The following RANBP2 variants were observed in gnomAD, a reference collection of about 807,000 sequenced individuals.
RANBP2 encodes the protein RAN binding protein 2.
Under a neutral mutation model 303.6 loss-of-function variants are expected in RANBP2, and 57 were observed. That is an observed-to-expected ratio of 0.19 (90% confidence interval 0.15 to 0.23). The LOEUF is 0.23. RANBP2 is among the 10% of genes least tolerant of loss of function. The pLI is 1.00. For synonymous variants in RANBP2, 1,167 were observed against 1,301.5 expected, an observed-to-expected ratio of 0.90 and a Z score of 2.23; for missense variants, 3,138 against 3,780.8, an observed-to-expected ratio of 0.83 and a Z score of 4.46.
chr2:109,505,155 C>T, the RANBP2 span, among the ~76,000 whole-genome samples: 1 of 152,164 alleles, frequency 6.6e-6, no homozygotes, highest in African/African-American at 2.4e-5. Flanking sequence ...GCAGGGAATC[C>T]CACCAACAGA....
chr2:109,180,511 ACT>A, the RANBP2 span, among the ~76,000 whole-genome samples: 1 of 152,062 alleles, frequency 6.6e-6, no homozygotes, highest in South Asian at 2.1e-4. Flanking sequence ...CTTGAATTGT[ACT>A]CTCATAATTC....
At chr2:109,130,067 G>T in the RANBP2 span, 1 of 1,368,556 alleles carries the variant, frequency 7.3e-7, no homozygotes, top group Admixed American at 3.4e-5. Flanking sequence ...AGCACCGCCG[G>T]CAGTCTGCGG....
At chr2:109,370,490 C>T in the RANBP2 span, among the ~76,000 whole-genome samples, 3 of 152,068 alleles carry the variant, frequency 2.0e-5, no homozygotes, top group African/African-American at 4.8e-5. Context: ...TCACCCGCCT[C>T]GACCTCCCAA....
chr2:108,742,084 CT>C (rs755435805), intron 7 of RANBP2, among the ~76,000 whole-genome samples: 56 of 151,188 alleles, frequency 3.7e-4, no homozygotes, highest in Middle Eastern at 3.4e-3. Flanking sequence ...CAACCTCTGC[CT>C]TCCCGGGTTC....
At chr2:109,489,815 G>A in the RANBP2 span, among the ~76,000 whole-genome samples, 1 of 152,166 alleles carries the variant, frequency 6.6e-6, no homozygotes, top group Non-Finnish European at 1.5e-5. Context: ...TCAGCTCACT[G>A]CAACCTCCAC....
chr2:108,783,935 T>A lies in RANBP2; in HGVS notation c.*34T>A. ...TTGTTCATAGAAAATTTCATCTGTATAAGCAGTTGGATTGAAGCTTAGCTA... is the reference window on the plus strand; with the variant it reads ...TTGTTCATAGAAAATTTCATCTGTAAAAGCAGTTGGATTGAAGCTTAGCTA... On this transcript the variant is annotated 3_prime_UTR_variant, in exon 29 of 29. Coordinates refer to ENST00000283195, the MANE Select transcript of RANBP2 (RefSeq NM_006267.5). 1.3e-6 allele frequency: 2 copies of A among 1,560,920 alleles called. No homozygotes were observed. The highest frequency in any genetic ancestry group is 1.8e-6 in the Non-Finnish European group (2 of 1,133,618).
chr2:109,600,687 C>T, the RANBP2 span, among the ~76,000 whole-genome samples: 1 of 152,236 alleles, frequency 6.6e-6, no homozygotes, highest in South Asian at 2.1e-4. Context: ...TAATTTAATT[C>T]TGACTTCTCT....
At chr2:109,264,331 A>T in the RANBP2 span, among the ~76,000 whole-genome samples, 1 of 119,360 alleles carries the variant, frequency 8.4e-6, no homozygotes, top group Non-Finnish European at 1.7e-5. Flanking sequence ...CTCCCCGTTC[A>T]CCTCCCCAGG....
the RANBP2 span, chr2:109,490,654 A>G: frequency 1.2e-5 from 18 of 1,507,666 alleles, no homozygotes; most frequent in Non-Finnish European, 1.5e-5. Context: ...GCATCCACCA[A>G]GAAGAAGTCA....
the RANBP2 span, among the ~76,000 whole-genome samples, chr2:108,975,305 G>T: frequency 6.6e-6 from 1 of 152,220 alleles, no homozygotes. Flanking sequence ...CTCCTGCCTG[G>T]GTTCCCACCC....
At chr2:109,408,298 G>A in the RANBP2 span, among the ~76,000 whole-genome samples, 2 of 152,182 alleles carry the variant, frequency 1.3e-5, no homozygotes, top group Non-Finnish European at 2.9e-5. Flanking sequence ...GGCCACTGAG[G>A]TCGGTGTCCT....
At chr2:109,015,413 C>CTT in the RANBP2 span, among the ~76,000 whole-genome samples, 1 of 152,090 alleles carries the variant, frequency 6.6e-6, no homozygotes, top group Non-Finnish European at 1.5e-5. Context: ...TTTTCTCTCC[C>CTT]TTATGCTTTT....
chr2:108,924,627 G>A, the RANBP2 span, among the ~76,000 whole-genome samples: 6 of 152,170 alleles, frequency 3.9e-5, no homozygotes, highest in Non-Finnish European at 8.8e-5. Flanking sequence ...GGGTCTGTGG[G>A]CTCCTGCCTT....
At chr2:108,732,673 A>T (rs1695260784) in intron 4 of RANBP2, among the ~76,000 whole-genome samples, 1 of 152,190 alleles carries the variant, frequency 6.6e-6, no homozygotes, top group East Asian at 1.9e-4. Context: ...TACCACAGAG[A>T]TCTTCCTCAT....
intron 1 of RANBP2, among the ~76,000 whole-genome samples, chr2:108,724,858 A>G (rs1694567659): frequency 6.6e-6 from 1 of 151,628 alleles, no homozygotes. Context: ...GGAGCTGATC[A>G]GATGGGTTTG....
At chr2:108,997,099 C>A in the RANBP2 span, among the ~76,000 whole-genome samples, 1 of 152,114 alleles carries the variant, frequency 6.6e-6, no homozygotes, top group Non-Finnish European at 1.5e-5. Flanking sequence ...TTCCTAAACT[C>A]CTCATTCTGT....
the RANBP2 span, among the ~76,000 whole-genome samples, chr2:109,383,177 G>A: frequency 6.6e-6 from 1 of 152,238 alleles, no homozygotes; most frequent in Admixed American, 6.5e-5. Context: ...ACTTAGCTGT[G>A]GAGAGATTTG....
At chr2:109,688,434 C>T in the RANBP2 span, among the ~76,000 whole-genome samples, 1 of 152,144 alleles carries the variant, frequency 6.6e-6, no homozygotes, top group Non-Finnish European at 1.5e-5. Flanking sequence ...GGGCAGCCTC[C>T]TGTGAGCTGA....
At chr2:108,898,813 T>C in the RANBP2 span, among the ~76,000 whole-genome samples, 1 of 152,242 alleles carries the variant, frequency 6.6e-6, no homozygotes, top group Non-Finnish European at 1.5e-5. Flanking sequence ...GTAGATGTGC[T>C]CAATGACAGA....
Sources: allele counts gnomAD v4.1 joint callset (sites outside exome capture counted in the v4.1 genomes callset), GRCh38; gene constraint gnomAD v4.1.1; transcripts MANE v1.5; gene names NCBI Gene and HGNC (gene_info 2026-07-23, HGNC 2026-07-21).